SMAD5: variants seen among roughly 807,000 people sequenced by gnomAD.
The protein encoded by SMAD5 is MAD, mothers against decapentaplegic homolog 5.
Under a neutral mutation model 43.1 loss-of-function variants are expected in SMAD5, and 9 were observed. The ratio of observed to expected loss-of-function variants is 0.21; its 90% CI spans 0.13 to 0.36. The LOEUF is 0.36. Ranked by LOEUF, SMAD5 falls within the 10% of genes least tolerant of loss-of-function variation. The probability of loss-of-function intolerance (pLI) is 1.00; values close to 1 mark genes in which losing one functional copy is unlikely to be tolerated. For missense variants in SMAD5, 348 were observed against 574.0 expected (o/e 0.61, Z 4.02); for synonymous variants, 190 against 192.4 (o/e 0.99, Z 0.10).
intron 1 of SMAD5, chr5:136,147,419 T>C (rs1753296115): frequency 6.6e-6 from 1 of 151,924 alleles, no homozygotes; most frequent in Middle Eastern, 3.4e-3. Context: ...TATTTAACAA[T>C]TTGAATGTTT....
rs980946457 is a variant in SMAD5, at chr5:136,150,298, A to G, written c.-170+2392A>G. ...CAAAGCTGCCTTCTGAATGTTTTTA[A>G]TTCTGTGGGTAGAATTCTCATTTTA... On this transcript the variant is annotated intron_variant, in intron 2 of 7. Transcript: ENST00000545279. Among the ~76,000 whole-genome samples, 19 of 151,906 alleles carry G rather than the reference A, an allele frequency of 1.3e-4. 2 individuals carry two copies. The highest frequency in any genetic ancestry group is 1.1e-3 in the Admixed American group (17 of 15,250).
intron 1 of SMAD5, among the ~76,000 whole-genome samples, chr5:136,144,512 A>G (rs1203134501): frequency 2.0e-5 from 3 of 151,892 alleles, no homozygotes; most frequent in Non-Finnish European, 4.4e-5. Flanking sequence ...AAAAGAAAAT[A>G]GCTTGACGAT....
intron 3 of SMAD5, among the ~76,000 whole-genome samples, chr5:136,157,445 G>A (rs575846966): frequency 1.2e-4 from 19 of 152,038 alleles, no homozygotes; most frequent in African/African-American, 1.9e-4. Context: ...TATTTATTGT[G>A]CACTTTATTT....
chr5:136,140,333 T>G (rs1753033941), intron 1 of SMAD5, among the ~76,000 whole-genome samples: 1 of 152,138 alleles, frequency 6.6e-6, no homozygotes, highest in Non-Finnish European at 1.5e-5. Flanking sequence ...TGCTCAGAGC[T>G]CTCCACTGAG....
At chr5:136,169,377 T>A (rs1561656298) in intron 5 of SMAD5, among the ~76,000 whole-genome samples, 1 of 152,144 alleles carries the variant, frequency 6.6e-6, no homozygotes, top group Non-Finnish European at 1.5e-5. Flanking sequence ...CAAATGTTAA[T>A]CTCCTTTGGC....
At chr5:136,149,833 T>C (rs1305535119) in intron 2 of SMAD5, among the ~76,000 whole-genome samples, 1 of 151,882 alleles carries the variant, frequency 6.6e-6, no homozygotes, top group East Asian at 1.9e-4. Context: ...ATTTAAAGAG[T>C]TGAGTGTGAG....
chr5:136,152,468 A>ACCC (rs1375159303), intron 2 of SMAD5, among the ~76,000 whole-genome samples: 1 of 152,078 alleles, frequency 6.6e-6, no homozygotes, highest in African/African-American at 2.4e-5. Context: ...GGAAAGATGC[A>ACCC]CCCCAGTCCA....
intron 1 of SMAD5, among the ~76,000 whole-genome samples, chr5:136,137,485 T>G (rs1752929120): frequency 6.6e-6 from 1 of 152,190 alleles, no homozygotes; most frequent in Non-Finnish European, 1.5e-5. Flanking sequence ...GGGAGGAGGC[T>G]TACATCTTTC....
chr5:136,156,660 C>G (rs1216665508), intron 3 of SMAD5, among the ~76,000 whole-genome samples: 5 of 152,060 alleles, frequency 3.3e-5, no homozygotes, highest in Non-Finnish European at 7.4e-5. Context: ...TGAAAAACTC[C>G]CAAGCTTGCT....
At chr5:136,162,689 T>G (rs1301106756) in intron 4 of SMAD5, among the ~76,000 whole-genome samples, 3 of 152,202 alleles carry the variant, frequency 2.0e-5, no homozygotes, top group Non-Finnish European at 4.4e-5. Context: ...GTGTTGAAAC[T>G]CAAAGATTTT....
intron 5 of SMAD5, among the ~76,000 whole-genome samples, chr5:136,165,937 A>T (rs1473479803): frequency 6.6e-6 from 1 of 151,782 alleles, no homozygotes; most frequent in Non-Finnish European, 1.5e-5. Context: ...TTGAGTATAT[A>T]CCAGAAGTAC....
rs1161977775 is a variant in SMAD5 at position 136,180,446 on chromosome 5, A to T, written c.*2966A>T. 1 of 152,178 alleles carries T rather than the reference A, an allele frequency of 6.6e-6. No homozygotes were observed. Among genetic ancestry groups the T allele is most frequent in the Non-Finnish European group, 1.5e-5 (1 of 67,984 alleles). The allele number at this position is 152,178 out of a possible 1,614,324, so 9.4% of individuals were successfully genotyped here. ...AGCAGAATAGAATGAAATCTCAGTA[A>T]TGAATTAAAGCAACAAAAAGATATT... On this transcript the variant is annotated 3_prime_UTR_variant, in exon 8 of 8. Coordinates refer to ENST00000545279, the MANE Select transcript of SMAD5 (RefSeq NM_005903.7).
intron 1 of SMAD5, among the ~76,000 whole-genome samples, chr5:136,137,279 C>CCCCT (rs1554101163): frequency 2.0e-5 from 3 of 150,124 alleles, no homozygotes; most frequent in Admixed American, 6.6e-5. Context: ...GACCCCCCCC[C>CCCCT]GCATCTCTTC....
At chr5:136,155,707 C>G (rs10056474) in intron 3 of SMAD5, among the ~76,000 whole-genome samples, 54,046 of 152,004 alleles carry the variant, frequency 0.36, 10,455 homozygotes, top group African/African-American at 0.52. Flanking sequence ...GGCACATTTT[C>G]TCATTCCATT....
In SMAD5 at chr5:136,154,025, T is replaced by C; in HGVS notation, c.265T>C (p.Tyr89His). 1 of 1,609,900 alleles carries C rather than the reference T, an allele frequency of 6.2e-7. No homozygotes were observed. Among genetic ancestry groups the C allele is most frequent in the Admixed American group, 1.7e-5 (1 of 59,078 alleles). ...SHRKGLPHVIYCRVWRWPDLQ... is the reference protein window; with the variant it reads ...SHRKGLPHVIHCRVWRWPDLQ... ...CAGAAAAGGCTTACCCCATGTTATA[T>C]ATTGTCGTGTTTGGCGCTGGCCGGA... The change falls in exon 3 of 8, where the codon TAT (tyrosine) becomes CAT (histidine). Residue 89 changes from tyrosine (Y) to histidine (H), a missense_variant. This residue lies in a region of SMAD5 where 27 missense variants were observed against 53.9 expected (regional missense o/e 0.50). Transcript: ENST00000545279.
intron 1 of SMAD5, among the ~76,000 whole-genome samples, chr5:136,142,001 T>C (rs931233578): frequency 9.2e-5 from 14 of 152,184 alleles, no homozygotes; most frequent in Admixed American, 2.0e-4. Context: ...TTAAAAAATA[T>C]AGAATTAGAT....
intron 1 of SMAD5, among the ~76,000 whole-genome samples, chr5:136,145,246 G>T (rs186123850): frequency 1.3e-5 from 2 of 151,760 alleles, no homozygotes; most frequent in Non-Finnish European, 2.9e-5. Context: ...TGCTGTTTCT[G>T]TTGCTGTCAT....
At chr5:136,168,769 C>T (rs184085227) in intron 5 of SMAD5, among the ~76,000 whole-genome samples, 1 of 152,314 alleles carries the variant, frequency 6.6e-6, no homozygotes, top group Admixed American at 6.5e-5. Flanking sequence ...TTTACTGTCT[C>T]TATAGTTTTG....
chr5:136,159,119 G>A (rs1413385856), intron 3 of SMAD5, among the ~76,000 whole-genome samples: 8 of 152,120 alleles, frequency 5.3e-5, no homozygotes, highest in African/African-American at 1.9e-4. Flanking sequence ...TAGTACACTT[G>A]ATTCAGCAAT....
Sources: allele counts gnomAD v4.1 joint callset (sites outside exome capture counted in the v4.1 genomes callset), GRCh38; gene constraint gnomAD v4.1.1; regional missense constraint gnomAD v4.1.1; transcripts MANE v1.5; gene names NCBI Gene and HGNC (gene_info 2026-07-23, HGNC 2026-07-21).